The following ARMC3 variants were observed in gnomAD, a reference collection of about 807,000 sequenced individuals.
ARMC3 encodes the protein armadillo repeat containing 3.
In ARMC3, 74 loss-of-function variants were observed where a neutral mutation model predicts 90.3. The ratio of observed to expected loss-of-function variants is 0.82; its 90% CI spans 0.68 to 0.99. The LOEUF (loss-of-function observed/expected upper bound fraction) is 0.99, where lower values mean the gene tolerates loss of function less well. Ranked by LOEUF, ARMC3 falls within the 50% of genes least tolerant of loss-of-function variation. The pLI is 0.00. For synonymous variants in ARMC3, 334 were observed against 361.8 expected, an observed-to-expected ratio of 0.92 and a Z score of 0.87; for missense variants, 958 against 1,042.8, an observed-to-expected ratio of 0.92 and a Z score of 1.12.
intron 11 of ARMC3, among the ~76,000 whole-genome samples, chr10:23,001,144 G>C (rs1564384204): frequency 6.6e-6 from 1 of 152,152 alleles, no homozygotes; most frequent in African/African-American, 2.4e-5. Context: ...CAGTGACATG[G>C]GGGGGTCCTT....
intron 8 of ARMC3, among the ~76,000 whole-genome samples, chr10:22,976,117 T>G (rs1835910040): frequency 6.6e-6 from 1 of 152,188 alleles, no homozygotes; most frequent in African/African-American, 2.4e-5. Context: ...TCCCACTGGT[T>G]TATATAAGAG....
intron 2 of ARMC3, among the ~76,000 whole-genome samples, chr10:22,941,497 A>C (rs1371191997): frequency 1.3e-5 from 2 of 152,204 alleles, no homozygotes; most frequent in African/African-American, 4.8e-5. Flanking sequence ...GAATGTGTCC[A>C]TTCTGTGAGA....
intron 16 of ARMC3, among the ~76,000 whole-genome samples, chr10:23,009,979 G>T (rs111546868): frequency 1.3e-5 from 2 of 152,082 alleles, no homozygotes; most frequent in Non-Finnish European, 2.9e-5. Flanking sequence ...CTCCCAAGGC[G>T]TACGCAGTGG....
chr10:22,965,196 T>C (rs1835394017), intron 7 of ARMC3, among the ~76,000 whole-genome samples: 1 of 152,232 alleles, frequency 6.6e-6, no homozygotes, highest in Admixed American at 6.5e-5. Flanking sequence ...TCAGGGTCAT[T>C]TCCCTTCAAC....
At chr10:22,948,532 C>A (rs1169549763) in intron 3 of ARMC3, among the ~76,000 whole-genome samples, 1 of 151,458 alleles carries the variant, frequency 6.6e-6, no homozygotes, top group African/African-American at 2.4e-5. Flanking sequence ...GAAACAGACC[C>A]AATATGTGAA....
At chr10:22,955,584 C>T (rs1830124973) in intron 3 of ARMC3, among the ~76,000 whole-genome samples, 1 of 152,112 alleles carries the variant, frequency 6.6e-6, no homozygotes, top group Non-Finnish European at 1.5e-5. Flanking sequence ...GCAATGTGAG[C>T]TCAGAACTGA....
intron 8 of ARMC3, among the ~76,000 whole-genome samples, chr10:22,972,425 G>A (rs1475047415): frequency 6.6e-6 from 1 of 152,070 alleles, no homozygotes; most frequent in African/African-American, 2.4e-5. Flanking sequence ...AGCATCATTT[G>A]TTGAAATTGG....
At chr10:23,009,446 C>T (rs1837809895) in intron 16 of ARMC3, among the ~76,000 whole-genome samples, 1 of 152,138 alleles carries the variant, frequency 6.6e-6, no homozygotes, top group South Asian at 2.1e-4. Context: ...GAGCAACGCT[C>T]TTACTTGGTT....
At chr10:22,936,756 C>G (rs1305068390) in intron 2 of ARMC3, among the ~76,000 whole-genome samples, 1 of 152,126 alleles carries the variant, frequency 6.6e-6, no homozygotes, top group Admixed American at 6.5e-5. Flanking sequence ...AAAAAAATTA[C>G]TATAATGGTG....
chr10:22,956,751 A>G (rs1834953074), intron 4 of ARMC3, among the ~76,000 whole-genome samples: 1 of 139,342 alleles, frequency 7.2e-6, no homozygotes, highest in African/African-American at 2.6e-5. Context: ...TGTGATTAAT[A>G]TCAATATACA....
At chr10:22,999,383 T>C (rs2131410126) in intron 11 of ARMC3, among the ~76,000 whole-genome samples, 1 of 152,286 alleles carries the variant, frequency 6.6e-6, no homozygotes, top group African/African-American at 2.4e-5. Flanking sequence ...TCCGCATCTC[T>C]ACAAAAAGAC....
chr10:23,029,211 C>T (rs1173568893), intron 16 of ARMC3, among the ~76,000 whole-genome samples: 1 of 152,162 alleles, frequency 6.6e-6, no homozygotes, highest in African/African-American at 2.4e-5. Context: ...TCTTCTTGAG[C>T]TTTCTCTGTG....
chr10:23,032,936 T>G lies in ARMC3; in HGVS notation c.2322T>G (p.Ser774Arg). 1 of 1,613,106 alleles carries G rather than the reference T, an allele frequency of 6.2e-7. No individual in the cohort carries two copies. The highest frequency in any genetic ancestry group is 1.1e-5 in the South Asian group (1 of 91,042). ...ATTTCAGCTGGGAACTTCACATAAG[T>G]GAACTGAAATTTCAACTTAAATCCA... ...LPDFSWELHI[S>R]ELKFQLKSNV... The change falls in exon 18 of 19, where the codon AGT (serine) becomes AGG (arginine). Residue 774 changes from serine (S) to arginine (R), a missense_variant. Physicochemically the swap from Ser to Arg is moderately radical, Grantham distance 110. Coordinates refer to ENST00000298032, the MANE Select transcript of ARMC3 (RefSeq NM_173081.5).
intron 10 of ARMC3, among the ~76,000 whole-genome samples, chr10:22,988,153 C>T (rs188983641): frequency 1.2e-3 from 176 of 152,268 alleles, no homozygotes; most frequent in African/African-American, 4.1e-3. Context: ...ATTCTTTTCG[C>T]TAATATAGAA....
intron 5 of ARMC3, 25 bp from the exon 6 acceptor site, chr10:22,959,374 T>A (rs745959454): frequency 1.1e-5 from 18 of 1,580,008 alleles, no homozygotes; most frequent in Admixed American, 5.6e-5. Flanking sequence ...TTGGCATACT[T>A]GTGTTATTTA....
At chr10:23,020,217 C>T (rs2131534136) in intron 16 of ARMC3, among the ~76,000 whole-genome samples, 1 of 152,230 alleles carries the variant, frequency 6.6e-6, no homozygotes, top group Non-Finnish European at 1.5e-5. Flanking sequence ...CAACCTCCGC[C>T]TCCCAGTTCA....
At chr10:22,968,544 G>T in intron 8 of ARMC3, 55 bp downstream of exon 8, 1 of 1,453,674 alleles carries the variant, frequency 6.9e-7, no homozygotes, top group Non-Finnish European at 9.2e-7. Context: ...CTGTTTCTCA[G>T]GCTGGAGTGC....
intron 15 of ARMC3, 142 bp from the exon 16 acceptor site, chr10:23,008,673 A>G (rs757858829): frequency 5.3e-6 from 4 of 748,464 alleles, no homozygotes; most frequent in East Asian, 2.7e-5. Context: ...TGGCTTCATC[A>G]TGGGGAAAGG....
At chr10:23,007,068 T>A (rs1837653685) in intron 14 of ARMC3, 87 bp downstream of exon 14, 1 of 1,108,250 alleles carries the variant, frequency 9.0e-7, no homozygotes, top group Admixed American at 2.4e-5. Flanking sequence ...TATGCAAAGA[T>A]TCCCAGACCC....
Sources: gnomAD v4.1 joint callset for allele counts (sites outside exome capture counted in the v4.1 genomes callset) on GRCh38, gnomAD v4.1.1 for gene constraint, MANE v1.5 for transcripts, NCBI Gene and HGNC (gene_info 2026-07-23, HGNC 2026-07-21) for gene names.